IL12RB2: variants seen among roughly 807,000 people sequenced by gnomAD.
IL12RB2 encodes interleukin-12 receptor subunit beta-2.
A neutral mutation model predicts 89.4 loss-of-function variants in IL12RB2; 82 were observed. The observed-to-expected ratio is 0.92, with a 90% CI of 0.77 to 1.10. The LOEUF is 1.10. Among genes scored for constraint, IL12RB2 ranks in the 50% least tolerant of loss-of-function variants. The probability of loss-of-function intolerance (pLI) is 0.00; values close to 1 mark genes in which losing one functional copy is unlikely to be tolerated. For missense variants in IL12RB2, 963 were observed against 1,031.9 expected (o/e 0.93, Z 0.92); for synonymous variants, 368 against 370.1 (o/e 0.99, Z 0.07).
At chr1:67,364,892 T>G (rs1430053686) in intron 10 of IL12RB2, among the ~76,000 whole-genome samples, 1 of 152,190 alleles carries the variant, frequency 6.6e-6, no homozygotes, top group Non-Finnish European at 1.5e-5. Context: ...TTCACCAAGA[T>G]ACACCATATT....
chr1:67,391,356 AGT>A (rs148773328), intron 16 of IL12RB2, among the ~76,000 whole-genome samples: 7,700 of 140,326 alleles, frequency 0.055, 268 homozygotes, highest in African/African-American at 0.097. Context: ...TAATAACAGC[AGT>A]GTGTGTGTGT....
chr1:67,395,281 A>G lies in IL12RB2; in HGVS notation c.2047-266A>G, dbSNP rs961976389. 8.6e-5 allele frequency among the ~76,000 whole-genome samples: 13 copies of G among 151,866 alleles called. No individual in the cohort carries two copies. In the South Asian group the frequency reaches 1.0e-3, roughly 12 times the overall value. ...CGACTTCGTCTCAAGAAAAAAAAAA[A>G]AAAGAAAGAAAGAAACAGGTTGAAG... On this transcript the variant is annotated intron_variant, in intron 16 of 16. Coordinates refer to ENST00000674203, the MANE Select transcript of IL12RB2 (RefSeq NM_001374259.2).
chr1:67,355,422 G>GAAAA (rs1171395256), intron 10 of IL12RB2, among the ~76,000 whole-genome samples: 4 of 93,674 alleles, frequency 4.3e-5, no homozygotes, highest in South Asian at 3.8e-4. Context: ...GTCTCAAAAA[G>GAAAA]AAAAAAAAAA....
At chr1:67,351,717 C>T (rs1660867628) in intron 10 of IL12RB2, among the ~76,000 whole-genome samples, 1 of 152,060 alleles carries the variant, frequency 6.6e-6, no homozygotes, top group Non-Finnish European at 1.5e-5. Context: ...TTACCATAGC[C>T]CTTTATTGCA....
chr1:67,326,067 A>G (rs1569788985), intron 4 of IL12RB2, among the ~76,000 whole-genome samples: 2 of 152,252 alleles, frequency 1.3e-5, no homozygotes, highest in South Asian at 4.1e-4. Context: ...GAATTAATTT[A>G]TAAATGTCCA....
chr1:67,329,759 A>C, intron 7 of IL12RB2, 30 bp downstream of exon 7: 1 of 1,503,478 alleles, frequency 6.7e-7, no homozygotes, highest in Non-Finnish European at 9.3e-7. Flanking sequence ...AGGAAAAAAC[A>C]CTGAAGCATT....
chr1:67,310,042 G>A (rs1422216241), intron 1 of IL12RB2, among the ~76,000 whole-genome samples: 1 of 151,896 alleles, frequency 6.6e-6, no homozygotes, highest in Non-Finnish European at 1.5e-5. Flanking sequence ...GGGCATGGTG[G>A]CACACACCAT....
intron 16 of IL12RB2, 31 bp from the exon 17 acceptor site, chr1:67,395,516 G>T: frequency 6.2e-7 from 1 of 1,614,164 alleles, no homozygotes; most frequent in East Asian, 2.2e-5. Flanking sequence ...TTCTACAGCA[G>T]TGTGAGCCTC....
chr1:67,358,970 C>T (rs139002978), intron 10 of IL12RB2, among the ~76,000 whole-genome samples: 9 of 151,586 alleles, frequency 5.9e-5, no homozygotes, highest in African/African-American at 1.9e-4. Flanking sequence ...TGTGAAACCC[C>T]GTCTCTACAA....
In IL12RB2 at chr1:67,311,895, T is replaced by C. The variant is rs563186372; in HGVS notation, c.-124-2018T>C. Reference sequence around the variant, plus strand: ...AATATGTTAATGCCTTGTAGTACTTTATGAAAATACTCAGTGGTTGCTTAC... The same window carrying C: ...AATATGTTAATGCCTTGTAGTACTTCATGAAAATACTCAGTGGTTGCTTAC... On this transcript the variant is annotated intron_variant, in intron 1 of 16. Coordinates refer to ENST00000674203, the MANE Select transcript of IL12RB2 (RefSeq NM_001374259.2). Among the ~76,000 whole-genome samples the C allele has an allele frequency of 3.9e-5, 6 of 152,304 alleles. No homozygotes were observed. The East Asian group carries it at 9.6e-4, about 24-fold the overall frequency.
intron 13 of IL12RB2, 74 bp downstream of exon 13, chr1:67,372,857 T>C: frequency 1.0e-6 from 1 of 980,042 alleles, no homozygotes; most frequent in Non-Finnish European, 1.7e-6. Context: ...GAGGTGTGTG[T>C]GCACATCTAC....
At chr1:67,361,751 G>A (rs1427947630) in intron 10 of IL12RB2, among the ~76,000 whole-genome samples, 2 of 151,972 alleles carry the variant, frequency 1.3e-5, no homozygotes, top group African/African-American at 4.8e-5. Context: ...AAACAATAAT[G>A]AATGAGAATT....
chr1:67,329,777 T>C (rs752675781), intron 7 of IL12RB2, 48 bp downstream of exon 7: 2 of 1,285,770 alleles, frequency 1.6e-6, no homozygotes, highest in South Asian at 2.4e-5. Context: ...ATTCTTAATA[T>C]TGCTGCGCAG....
At chr1:67,373,336 C>G (rs1217626261) in intron 13 of IL12RB2, among the ~76,000 whole-genome samples, 1 of 152,212 alleles carries the variant, frequency 6.6e-6, no homozygotes, top group East Asian at 1.9e-4. Flanking sequence ...TCTCCAACTC[C>G]TGGGCTCAAG....
At chr1:67,309,141 T>C (rs1164937677) in intron 1 of IL12RB2, among the ~76,000 whole-genome samples, 1 of 152,108 alleles carries the variant, frequency 6.6e-6, no homozygotes, top group African/African-American at 2.4e-5. Flanking sequence ...CTCTAGATAA[T>C]TGTTATAATC....
intron 13 of IL12RB2, among the ~76,000 whole-genome samples, chr1:67,374,551 C>T (rs1183939500): frequency 2.0e-5 from 3 of 150,870 alleles, no homozygotes; most frequent in Non-Finnish European, 4.4e-5. Flanking sequence ...TCTCAGCTTA[C>T]TGCAACCTCT....
chr1:67,321,102 G>T (rs757567005), intron 3 of IL12RB2, among the ~76,000 whole-genome samples: 1 of 151,596 alleles, frequency 6.6e-6, no homozygotes, highest in Non-Finnish European at 1.5e-5. Context: ...TGGCTCTGTT[G>T]CCCAGGCTGG....
Position 67,342,584 on chromosome 1 carries a change from T to TA in IL12RB2, c.1038+3882dup, listed in dbSNP as rs1213303937. ...TGTGAGTAGGGTGTGAATATGTAGG[T>TA]ATGTGAGTGTGTGTGTATGTATGAA... On this transcript the variant is annotated intron_variant, in intron 9 of 16. Transcript: ENST00000674203. Among the ~76,000 whole-genome samples, 8 of 151,708 alleles carry TA rather than the reference T, an allele frequency of 5.3e-5. No individual in the cohort carries two copies. In the East Asian group the frequency reaches 1.5e-3, roughly 29 times the overall value.
At chr1:67,392,295 C>CA (rs1341937291) in intron 16 of IL12RB2, among the ~76,000 whole-genome samples, 2 of 151,956 alleles carry the variant, frequency 1.3e-5, no homozygotes, top group African/African-American at 4.8e-5. Flanking sequence ...CACCAGGATG[C>CA]AAATTAAACT....
Sources: allele counts gnomAD v4.1 joint callset (sites outside exome capture counted in the v4.1 genomes callset), GRCh38; gene constraint gnomAD v4.1.1; transcripts MANE v1.5; gene names NCBI Gene and HGNC (gene_info 2026-07-23, HGNC 2026-07-21).